NOL9: variants seen among roughly 807,000 people sequenced by gnomAD.
NOL9 encodes polynucleotide 5'-hydroxyl-kinase NOL9.
Under a neutral mutation model 67.9 loss-of-function variants are expected in NOL9, and 28 were observed. That is an observed-to-expected ratio of 0.41 (90% CI 0.31 to 0.57). The LOEUF is 0.57. Ranked by LOEUF, NOL9 falls within the 20% of genes least tolerant of loss-of-function variation. The probability of loss-of-function intolerance (pLI) is 0.25; values close to 1 mark genes in which losing one functional copy is unlikely to be tolerated. For missense variants in NOL9, 777 were observed against 897.0 expected (o/e 0.87, Z 1.71); for synonymous variants, 356 against 352.2 (o/e 1.01, Z -0.12).
intron 1 of NOL9, among the ~76,000 whole-genome samples, chr1:6,553,011 C>T (rs1017171956): frequency 6.6e-6 from 1 of 152,136 alleles, no homozygotes; most frequent in Non-Finnish European, 1.5e-5. Flanking sequence ...GAGGTTTCAC[C>T]ATGTTGGTCA....
At chr1:6,529,299 G>A (rs1638966165) in intron 9 of NOL9, 128 bp from the exon 10 acceptor site, 1 of 838,022 alleles carries the variant, frequency 1.2e-6, no homozygotes, top group Non-Finnish European at 1.9e-6. Context: ...TATCTCTAAA[G>A]AATAAAAACA....
At chr1:6,532,361 CCTGAAGAT>C (rs1326277405) in intron 8 of NOL9, 94 bp downstream of exon 8, 13 of 1,089,556 alleles carry the variant, frequency 1.2e-5, no homozygotes, top group Non-Finnish European at 1.5e-5. Context: ...GTGACAGGGA[CCTGAAGAT>C]CTTAGAGGAC....
Position 6,548,010 on chromosome 1 carries a change from T to A in NOL9, c.744+1561A>T, listed in dbSNP as rs534086900. On this transcript the variant is annotated intron_variant, in intron 3 of 11. Coordinates refer to ENST00000377705, the MANE Select transcript of NOL9 (RefSeq NM_024654.5). ...CCTACAATACAGGCTCTAACAAAAC[T>A]AGGCTGTCCCGAACCCCTGGTAATA... 5.7e-5 allele frequency: 17 copies of A among 297,934 alleles called. No individual in the cohort carries two copies. In the South Asian group the frequency reaches 5.9e-4, roughly 10 times the overall value. 18.5% of individuals were successfully genotyped at this position (297,934 alleles called of 1,614,324 possible). A position where few individuals can be genotyped will look rare whatever the true frequency, so the allele number is the denominator to read the frequency against.
In NOL9 at chr1:6,525,787, CTT is replaced by C. The variant is rs1379630807; in HGVS notation, c.*65_*66del. 8.8e-5 allele frequency: 137 copies of C among 1,556,518 alleles called. No homozygotes were observed. Among genetic ancestry groups the C allele is most frequent in the Middle Eastern group, 8.4e-4 (5 of 5,936 alleles). On this transcript the variant is annotated 3_prime_UTR_variant, in exon 12 of 12. Coordinates refer to ENST00000377705, the MANE Select transcript of NOL9 (RefSeq NM_024654.5). Reference sequence around the variant, plus strand: ...ATGGCCATGAAACTCCATCATGTCTCTTGTGGTCAGGCTTGAGACAAAGCTTT... The same window carrying C: ...ATGGCCATGAAACTCCATCATGTCTCGTGGTCAGGCTTGAGACAAAGCTTT...
chr1:6,553,464 G>C (rs1639588965), intron 1 of NOL9, among the ~76,000 whole-genome samples: 1 of 151,926 alleles, frequency 6.6e-6, no homozygotes, highest in South Asian at 2.1e-4. Flanking sequence ...TGGGTTCAAA[G>C]CCTAAAACAC....
chr1:6,531,837 TGTGTCACTG>T lies in NOL9; in HGVS notation c.1647+122_1647+130del, dbSNP rs1332269966. 6 of 722,726 alleles carry T rather than the reference TGTGTCACTG, an allele frequency of 8.3e-6. No individual in the cohort carries two copies. The Admixed American group carries it at 1.1e-4, about 13-fold the overall frequency. 44.8% of individuals were successfully genotyped at this position (722,726 alleles called of 1,614,324 possible). A position where few individuals can be genotyped will look rare whatever the true frequency, so the allele number is the denominator to read the frequency against. On this transcript the variant is annotated intron_variant, in intron 9 of 11. Coordinates refer to ENST00000377705, the MANE Select transcript of NOL9 (RefSeq NM_024654.5). ...GTAAAGTGGGAATAACGACACAAGC[TGTGTCACTG>T]GGATGTTCTGAGGATTAAATGAGCG...
chr1:6,546,433 T>C (rs957732346), intron 3 of NOL9, among the ~76,000 whole-genome samples: 9 of 152,132 alleles, frequency 5.9e-5, no homozygotes, highest in Admixed American at 1.3e-4. Flanking sequence ...CCCACTCTCA[T>C]TTCTTCTCTC....
Position 6,526,630 on chromosome 1 carries a change from T to C in NOL9, c.1959+66A>G. On this transcript the variant is annotated intron_variant, in intron 11 of 11. Coordinates refer to ENST00000377705, the MANE Select transcript of NOL9 (RefSeq NM_024654.5). The stretch of plus-strand genomic sequence containing the variant: ...CCATTCCCATGACCCCTGACCCTAC[T>C]TCAGCTCCTCACTTCTGTGGACCTG... 3 of 1,497,182 alleles carry C rather than the reference T, an allele frequency of 2.0e-6. No homozygotes were observed. In the South Asian group the frequency reaches 3.9e-5, roughly 20 times the overall value. 92.7% of individuals were successfully genotyped at this position (1,497,182 alleles called of 1,614,324 possible). A position where few individuals can be genotyped will look rare whatever the true frequency, so the allele number is the denominator to read the frequency against.
chr1:6,531,076 C>T (rs1040846120), intron 9 of NOL9, among the ~76,000 whole-genome samples: 59 of 152,154 alleles, frequency 3.9e-4, no homozygotes, highest in African/African-American at 1.4e-3. Flanking sequence ...TGCTACCTGC[C>T]GCTAGTTTTG....
chr1:6,528,834 C>T (rs1638951759), intron 10 of NOL9, among the ~76,000 whole-genome samples, 160 bp downstream of exon 10: 1 of 152,204 alleles, frequency 6.6e-6, no homozygotes, highest in African/African-American at 2.4e-5. Flanking sequence ...TAGCTGCTTC[C>T]TTCCTGGCCT....
At position 6,531,999 on chromosome 1, in the gene NOL9, A is replaced by G; in HGVS notation, c.1616T>C (p.Leu539Pro). 6.2e-7 allele frequency: 1 copy of G among 1,614,142 alleles called. No individual in the cohort carries two copies. ...GGGTGTCAGGCTATGTAAAGGAGAAAGTGGTTTGGGCATCGGGGGCTGCAG... is the reference window on the plus strand; with the variant it reads ...GGGTGTCAGGCTATGTAAAGGAGAAGGTGGTTTGGGCATCGGGGGCTGCAG... ...SQLQPPMPKP[L>P]SPLHSLTPYQ... The change falls in exon 9 of 12, where the codon CTT becomes CCT. Residue 539 changes from leucine to proline, a missense_variant. Coordinates refer to ENST00000377705, the MANE Select transcript of NOL9 (RefSeq NM_024654.5).
intron 9 of NOL9, among the ~76,000 whole-genome samples, chr1:6,530,408 C>T (rs180745887): frequency 8.1e-4 from 124 of 152,236 alleles, no homozygotes; most frequent in Middle Eastern, 3.4e-3. Context: ...GAGCCAAGCA[C>T]GTGGCATTGC....
chr1:6,524,797 TG>T lies in NOL9; in HGVS notation c.*1056del, dbSNP rs1387390027. On this transcript the variant is annotated 3_prime_UTR_variant, in exon 12 of 12. Coordinates refer to ENST00000377705, the MANE Select transcript of NOL9 (RefSeq NM_024654.5). ...TCTTGTTGCCCAGGCTGGAGTGCAG[TG>T]GCGTGACCTCGGCTCACTGCAAGCT... 1 of 152,074 alleles carries T rather than the reference TG, an allele frequency of 6.6e-6. No individual in the cohort carries two copies. Among genetic ancestry groups the T allele is most frequent in the Non-Finnish European group, 1.5e-5 (1 of 68,034 alleles). The allele number at this position is 152,074 out of a possible 1,614,324, so 9.4% of individuals were successfully genotyped here. A position where few individuals can be genotyped will look rare whatever the true frequency, so the allele number is the denominator to read the frequency against.
At chr1:6,553,702 C>A (rs1417691638) in intron 1 of NOL9, among the ~76,000 whole-genome samples, 1 of 152,004 alleles carries the variant, frequency 6.6e-6, no homozygotes, top group South Asian at 2.1e-4. Context: ...TATAGCCGGG[C>A]GAGGTGGCAC....
chr1:6,526,232 G>A (rs939096786), intron 11 of NOL9, among the ~76,000 whole-genome samples: 1 of 152,140 alleles, frequency 6.6e-6, no homozygotes, highest in Non-Finnish European at 1.5e-5. Context: ...AGCAAACAGC[G>A]TGAGGCAGAG....
chr1:6,533,816 C>CATGTGT (rs1466246300), intron 6 of NOL9, among the ~76,000 whole-genome samples: 1 of 152,160 alleles, frequency 6.6e-6, no homozygotes, highest in Non-Finnish European at 1.5e-5. Flanking sequence ...AATGAATAGC[C>CATGTGT]ATGTGTGTCT....
chr1:6,537,311 T>C (rs767769830), intron 6 of NOL9, among the ~76,000 whole-genome samples: 5 of 152,124 alleles, frequency 3.3e-5, no homozygotes, highest in Admixed American at 2.0e-4. Flanking sequence ...AAAAGCTTCA[T>C]GACACTGGTC....
chr1:6,529,295 T>G, intron 9 of NOL9, 124 bp from the exon 10 acceptor site: 5 of 869,958 alleles, frequency 5.7e-6, no homozygotes, highest in Non-Finnish European at 8.9e-6. Flanking sequence ...AAAGTATCTC[T>G]AAAGAATAAA....
intron 6 of NOL9, among the ~76,000 whole-genome samples, chr1:6,540,260 C>T (rs1639253295): frequency 6.6e-6 from 1 of 150,502 alleles, no homozygotes; most frequent in African/African-American, 2.4e-5. Flanking sequence ...GTAGCTGGGA[C>T]TACAGGCGCC....
Sources: allele counts gnomAD v4.1 joint callset (sites outside exome capture counted in the v4.1 genomes callset), GRCh38; gene constraint gnomAD v4.1.1; transcripts MANE v1.5; gene names NCBI Gene and HGNC (gene_info 2026-07-23, HGNC 2026-07-21).